The following ESR1 variants were observed in gnomAD, a reference collection of about 807,000 sequenced individuals.
The protein encoded by ESR1 is estrogen receptor 1.
In ESR1, 12 loss-of-function variants were observed where a neutral mutation model predicts 52.7. The observed-to-expected ratio is 0.23, with a 90% CI of 0.15 to 0.37. The LOEUF (loss-of-function observed/expected upper bound fraction) is 0.37. ESR1 is among the 10% of genes least tolerant of loss of function. ESR1 has a pLI of 1.00. For synonymous variants in ESR1, 305 were observed against 316.8 expected (o/e 0.96, Z 0.39); for missense variants, 584 against 779.7 (o/e 0.75, Z 2.99).
At chr6:152,084,422 A>C (rs192088881) in intron 6 of ESR1, among the ~76,000 whole-genome samples, 2 of 91,906 alleles carry the variant, frequency 2.2e-5, no homozygotes, top group Admixed American at 1.1e-4. Context: ...AAAGTATAAT[A>C]AAAAAAAAAG....
chr6:151,963,567 AT>A (rs2037914422), intron 4 of ESR1, among the ~76,000 whole-genome samples: 1 of 152,112 alleles, frequency 6.6e-6, no homozygotes, highest in African/African-American at 2.4e-5. Flanking sequence ...TTCCTTATGT[AT>A]TTTGAATATT....
intron 2 of ESR1, among the ~76,000 whole-genome samples, chr6:151,770,979 A>T (rs1403543828): frequency 6.6e-6 from 1 of 152,246 alleles, no homozygotes; most frequent in East Asian, 1.9e-4. Context: ...GTAGACATAT[A>T]AAGAAAGCAC....
chr6:152,128,228 C>T (rs1390064383), exon 7 of ESR1: 1 of 152,186 alleles, frequency 6.6e-6, no homozygotes, highest in Admixed American at 6.5e-5. Flanking sequence ...GCTTTGAAAG[C>T]ATGCTTCTAA....
chr6:151,846,715 C>A (rs1215398401), intron 2 of ESR1, among the ~76,000 whole-genome samples: 1 of 152,154 alleles, frequency 6.6e-6, no homozygotes, highest in Non-Finnish European at 1.5e-5. Flanking sequence ...GTAATGGCCT[C>A]CAGTGAAACG....
At chr6:151,670,762 GTTTTTTTTTTTT>G (rs35606990) in intron 1 of ESR1, among the ~76,000 whole-genome samples, 1 of 85,782 alleles carries the variant, frequency 1.2e-5, no homozygotes, top group South Asian at 4.5e-4. Flanking sequence ...TTTTGTTTTC[GTTTTTTTTTTTT>G]TTTTTTTTTT....
chr6:152,065,822 C>G (rs2047922457), intron 6 of ESR1, among the ~76,000 whole-genome samples: 1 of 152,162 alleles, frequency 6.6e-6, no homozygotes, highest in Admixed American at 6.5e-5. Context: ...AATGCTATAG[C>G]CTTGTTCACC....
intron 1 of ESR1, among the ~76,000 whole-genome samples, chr6:151,667,163 T>C (rs1220201463): frequency 6.6e-6 from 1 of 152,228 alleles, no homozygotes; most frequent in Non-Finnish European, 1.5e-5. Context: ...TCTTTACTCA[T>C]TCTTTATGTA....
chr6:151,758,968 C>T (rs1450247025), intron 2 of ESR1, among the ~76,000 whole-genome samples: 2 of 151,894 alleles, frequency 1.3e-5, no homozygotes, highest in Non-Finnish European at 2.9e-5. Context: ...TCAAAATCTA[C>T]TACATGGTCT....
rs371899999 is a variant in ESR1, at chr6:151,754,426, T to G, written c.-71+52421T>G. Among the ~76,000 whole-genome samples, 7 of 151,704 alleles carry G rather than the reference T, an allele frequency of 4.6e-5. No individual in the cohort carries two copies. The East Asian group carries it at 7.8e-4, about 17-fold the overall frequency. On this transcript the variant is annotated intron_variant, in intron 2 of 2. Transcript: ENST00000404742. Reference sequence around the variant, plus strand: ...TTATGAAACAAAGGACAATCGGAAATGATAAGAATTTTTTCCTAATTTCTA... The same window carrying G: ...TTATGAAACAAAGGACAATCGGAAAGGATAAGAATTTTTTCCTAATTTCTA...
At chr6:151,837,936 C>A (rs1783640036) in intron 1 of ESR1, among the ~76,000 whole-genome samples, 1 of 151,892 alleles carries the variant, frequency 6.6e-6, no homozygotes, top group African/African-American at 2.4e-5. Flanking sequence ...GAAAGCAAAC[C>A]CTGAAATATT....
chr6:151,775,638 C>G (rs1037527573), intron 2 of ESR1, among the ~76,000 whole-genome samples: 1 of 151,182 alleles, frequency 6.6e-6, no homozygotes, highest in African/African-American at 2.4e-5. Flanking sequence ...CCCAGCTACT[C>G]GGGAGGCTGA....
chr6:151,959,779 C>T (rs1186448849), intron 4 of ESR1, among the ~76,000 whole-genome samples: 2 of 152,116 alleles, frequency 1.3e-5, no homozygotes, highest in African/African-American at 4.8e-5. Context: ...TGGAAGACTA[C>T]AAGCCACTGT....
chr6:151,773,449 T>C (rs1342225914), intron 2 of ESR1, among the ~76,000 whole-genome samples: 1 of 152,250 alleles, frequency 6.6e-6, no homozygotes, highest in Non-Finnish European at 1.5e-5. Flanking sequence ...CACTTTCTCA[T>C]CTGTGATCAC....
intron 2 of ESR1, among the ~76,000 whole-genome samples, chr6:151,724,363 C>T (rs1781685660): frequency 6.6e-6 from 1 of 152,176 alleles, no homozygotes; most frequent in South Asian, 2.1e-4. Flanking sequence ...GACAGGAAAG[C>T]TCCTACAACC....
At chr6:151,689,229 G>A (rs1326467816), upstream of ESR1, among the ~76,000 whole-genome samples, 1 of 126,492 alleles carries the variant, frequency 7.9e-6, no homozygotes, top group Non-Finnish European at 1.8e-5. Flanking sequence ...AATTAATTTA[G>A]AAAAAATATT....
At chr6:151,692,618 A>C (rs1296301538) in intron 1 of ESR1, among the ~76,000 whole-genome samples, 5 of 152,172 alleles carry the variant, frequency 3.3e-5, no homozygotes, top group African/African-American at 7.2e-5. Context: ...ATCTCCGAGA[A>C]AGAGGCGCCA....
At chr6:151,864,408 G>A (rs1210678269) in intron 2 of ESR1, among the ~76,000 whole-genome samples, 1 of 152,146 alleles carries the variant, frequency 6.6e-6, no homozygotes, top group Non-Finnish European at 1.5e-5. Context: ...ACACCAGTTA[G>A]AATGGTGATC....
chr6:151,869,698 G>T (rs1790602240), intron 2 of ESR1, among the ~76,000 whole-genome samples: 1 of 152,050 alleles, frequency 6.6e-6, no homozygotes, highest in African/African-American at 2.4e-5. Context: ...TCTTCACTTT[G>T]TGTTATTTAG....
chr6:152,010,173 A>C (rs1202259903), intron 4 of ESR1, among the ~76,000 whole-genome samples: 2 of 152,124 alleles, frequency 1.3e-5, no homozygotes, highest in African/African-American at 4.8e-5. Context: ...CTATTTGGAT[A>C]TAAGAATTAT....
Sources: allele counts gnomAD v4.1 joint callset (sites outside exome capture counted in the v4.1 genomes callset), GRCh38; gene constraint gnomAD v4.1.1; transcripts MANE v1.5; gene names NCBI Gene and HGNC (gene_info 2026-07-23, HGNC 2026-07-21).